Variants in RPF2 observed in about 807,000 individuals in gnomAD.
RPF2 encodes the protein ribosome production factor 2 homolog, also known as brix domain containing 1.
RPF2 carries 21 observed loss-of-function variants against 38.9 expected under a neutral mutation model. The ratio of observed to expected loss-of-function variants is 0.54; its 90% CI spans 0.38 to 0.78. The LOEUF (loss-of-function observed/expected upper bound fraction) is 0.78, where lower values mean the gene tolerates loss of function less well. Ranked by LOEUF, RPF2 falls within the 30% of genes least tolerant of loss-of-function variation. The probability of loss-of-function intolerance (pLI) is 0.00; values close to 1 mark genes in which losing one functional copy is unlikely to be tolerated. For synonymous variants in RPF2, 121 were observed against 126.2 expected (o/e 0.96, Z 0.28); for missense variants, 314 against 358.1 (o/e 0.88, Z 0.99).
intron 5 of RPF2, 59 bp from the exon 6 acceptor site, chr6:110,999,652 G>T: frequency 3.9e-6 from 4 of 1,032,730 alleles, no homozygotes; most frequent in Non-Finnish European, 6.1e-6. Context: ...GCTCTTGTGG[G>T]TATATGTAAG....
chr6:110,982,051 T>A lies in RPF2; in HGVS notation c.-56T>A. The A allele has an allele frequency of 3.1e-6, 5 of 1,606,444 alleles. No homozygotes were observed. Among genetic ancestry groups the A allele is most frequent in the Middle Eastern group, 1.7e-4 (1 of 5,936 alleles). ...CCGGTTCCGCCTGTTCCGGCGCACGTAATCGCCGAGGGCACGTGCATGCCC... is the reference window on the plus strand; with the variant it reads ...CCGGTTCCGCCTGTTCCGGCGCACGAAATCGCCGAGGGCACGTGCATGCCC... On this transcript the variant is annotated 5_prime_UTR_variant, in exon 1 of 10. Coordinates refer to ENST00000441448, the MANE Select transcript of RPF2 (RefSeq NM_032194.3).
intron 6 of RPF2, among the ~76,000 whole-genome samples, chr6:111,001,805 T>C (rs1771815799): frequency 6.6e-6 from 1 of 152,156 alleles, no homozygotes; most frequent in African/African-American, 2.4e-5. Context: ...CTCTACTCTT[T>C]CCATTTCACT....
chr6:110,993,131 G>C (rs1272450859), intron 4 of RPF2, among the ~76,000 whole-genome samples: 1 of 152,078 alleles, frequency 6.6e-6, no homozygotes, highest in Non-Finnish European at 1.5e-5. Flanking sequence ...TTTTTGTAGA[G>C]ATAGGGCTTT....
intron 6 of RPF2, among the ~76,000 whole-genome samples, chr6:111,004,254 C>G (rs927207010): frequency 3.9e-5 from 6 of 152,078 alleles, no homozygotes; most frequent in African/African-American, 1.4e-4. Context: ...GTGATCTCGG[C>G]TCACTGCAAC....
intron 7 of RPF2, among the ~76,000 whole-genome samples, chr6:111,013,976 A>C (rs1228030938): frequency 6.6e-6 from 1 of 152,058 alleles, no homozygotes; most frequent in Admixed American, 6.6e-5. Flanking sequence ...ATCCGTACAT[A>C]ATATATGTAT....
chr6:110,983,750 G>A (rs920100633), intron 1 of RPF2, among the ~76,000 whole-genome samples: 39 of 152,168 alleles, frequency 2.6e-4, no homozygotes, highest in African/African-American at 9.2e-4. Flanking sequence ...TGTAACTCGC[G>A]CGTGGAGGCT....
At chr6:111,006,710 C>T (rs560318658) in intron 6 of RPF2, among the ~76,000 whole-genome samples, 9 of 152,240 alleles carry the variant, frequency 5.9e-5, no homozygotes, top group South Asian at 2.1e-4. Flanking sequence ...TAGGCTCAAG[C>T]GATCCTCCTA....
chr6:111,018,212 GGGGAGGGA>G (rs1259570616), intron 8 of RPF2, among the ~76,000 whole-genome samples: 1 of 151,806 alleles, frequency 6.6e-6, no homozygotes, highest in Admixed American at 6.6e-5. Context: ...GGAGGGGGAG[GGGGAGGGA>G]GAGGGAGAGG....
At chr6:111,017,326 C>T (rs559596692) in intron 8 of RPF2, among the ~76,000 whole-genome samples, 1,744 of 150,402 alleles carry the variant, frequency 0.012, 33 homozygotes, top group African/African-American at 0.04. Flanking sequence ...ACCTCCCTCC[C>T]GGATGGGGCG....
At chr6:111,017,496 T>C (rs1375464530) in intron 8 of RPF2, among the ~76,000 whole-genome samples, 1 of 135,668 alleles carries the variant, frequency 7.4e-6, no homozygotes, top group East Asian at 2.2e-4. Context: ...ACTTCTCAGA[T>C]GGGGCGGCTG....
At chr6:111,016,644 G>T (rs1283319848) in intron 8 of RPF2, among the ~76,000 whole-genome samples, 1 of 145,336 alleles carries the variant, frequency 6.9e-6, no homozygotes, top group Admixed American at 6.8e-5. Context: ...TTATTAAAGA[G>T]TTAATGACAT....
At chr6:111,017,336 G>A (rs1307868333) in intron 8 of RPF2, among the ~76,000 whole-genome samples, 3 of 151,172 alleles carry the variant, frequency 2.0e-5, no homozygotes, top group African/African-American at 4.9e-5. Flanking sequence ...CGGATGGGGC[G>A]GCTGGCCGGG....
At chr6:111,009,438 C>T (rs1771975373) in intron 7 of RPF2, among the ~76,000 whole-genome samples, 1 of 151,886 alleles carries the variant, frequency 6.6e-6, no homozygotes, top group African/African-American at 2.4e-5. Flanking sequence ...GGCGATCCAC[C>T]CTCCTTGGCC....
intron 8 of RPF2, among the ~76,000 whole-genome samples, chr6:111,017,211 G>A (rs1390232899): frequency 2.6e-5 from 4 of 152,160 alleles, no homozygotes; most frequent in Admixed American, 1.3e-4. Flanking sequence ...CCTCCCAGAC[G>A]GGGTGGCGGC....
In RPF2 at chr6:111,011,219, G is replaced by T. The variant is rs573998499; in HGVS notation, c.493+3082G>T. On this transcript the variant is annotated intron_variant, in intron 7 of 9. Transcript: ENST00000441448. ...CCATGAATTAAATTCATACATGAAA[G>T]ACAATGACTAATATTTCCTTCTCTC... Among the ~76,000 whole-genome samples, 84 of 152,124 alleles carry T rather than the reference G, an allele frequency of 5.5e-4. 1 individual carries two copies. The highest frequency in any genetic ancestry group is 2.0e-3 in the African/African-American group (81 of 41,514).
At chr6:111,004,054 C>A (rs1185939123) in intron 6 of RPF2, among the ~76,000 whole-genome samples, 2 of 152,098 alleles carry the variant, frequency 1.3e-5, no homozygotes, top group East Asian at 3.9e-4. Flanking sequence ...CTCAGGTGAT[C>A]CACCCACCTT....
intron 7 of RPF2, among the ~76,000 whole-genome samples, chr6:111,008,625 G>A (rs1478428911): frequency 4.6e-5 from 7 of 152,008 alleles, no homozygotes; most frequent in Non-Finnish European, 8.8e-5. Flanking sequence ...TTTCAAGATT[G>A]TTTGTATCAC....
At chr6:110,997,770 C>T (rs1048909407) in intron 5 of RPF2, among the ~76,000 whole-genome samples, 1 of 152,022 alleles carries the variant, frequency 6.6e-6, no homozygotes, top group African/African-American at 2.4e-5. Context: ...AAGTGAAGTA[C>T]GCTTTGAGCG....
At chr6:111,007,519 C>T (rs764821015) in intron 6 of RPF2, among the ~76,000 whole-genome samples, 34 of 151,448 alleles carry the variant, frequency 2.2e-4, no homozygotes, top group African/African-American at 5.1e-4. Flanking sequence ...GGCAACACAG[C>T]GAGACCCTGT....
Sources: allele counts gnomAD v4.1 joint callset (sites outside exome capture counted in the v4.1 genomes callset), GRCh38; gene constraint gnomAD v4.1.1; transcripts MANE v1.5; gene names NCBI Gene and HGNC (gene_info 2026-07-23, HGNC 2026-07-21).